CMIP: variants seen among roughly 807,000 people sequenced by gnomAD.
The protein encoded by CMIP is c-Maf inducing protein, also known as C-Maf-inducing protein.
A neutral mutation model predicts 97.3 loss-of-function variants in CMIP; 13 were observed. The observed-to-expected ratio is 0.13, with a 90% CI of 0.09 to 0.21. CMIP has a LOEUF of 0.21. Among genes scored for constraint, CMIP ranks in the 10% least tolerant of loss-of-function variants. CMIP has a pLI of 1.00. For missense variants in CMIP, 847 were observed against 1,024.9 expected (o/e 0.83, Z 2.37); for synonymous variants, 538 against 436.3 (o/e 1.23, Z -2.91).
chr16:81,533,390 A>AAGTACATGGTAGCCACTC (rs1402969822), intron 1 of CMIP, among the ~76,000 whole-genome samples: 12 of 152,236 alleles, frequency 7.9e-5, no homozygotes, highest in Non-Finnish European at 1.6e-4. Context: ...TTTGCCTGTT[A>AAGTACATGGTAGCCACTC]AGTACATGGT....
At chr16:81,535,455 G>A (rs2090324024) in intron 1 of CMIP, among the ~76,000 whole-genome samples, 1 of 144,294 alleles carries the variant, frequency 6.9e-6, no homozygotes, top group Middle Eastern at 3.6e-3. Flanking sequence ...TCATGGTATA[G>A]CACTGGAATG....
Position 81,540,427 on chromosome 16 carries a change from C to T in CMIP, c.301-67140C>T, listed in dbSNP as rs1428873461. On this transcript the variant is annotated intron_variant, in intron 1 of 20. Coordinates refer to ENST00000537098, the MANE Select transcript of CMIP (RefSeq NM_198390.3). ...AAGTGATTCTCCTGCCTCAGCCTCC[C>T]GAGTAGCTGAGACTACAGGCACAAA... 1.1e-4 allele frequency among the ~76,000 whole-genome samples: 16 copies of T among 152,120 alleles called. No homozygotes were observed. In the South Asian group the frequency reaches 1.2e-3, roughly 12 times the overall value.
intron 1 of CMIP, among the ~76,000 whole-genome samples, chr16:81,522,495 T>C (rs1283693242): frequency 6.6e-6 from 1 of 152,246 alleles, no homozygotes; most frequent in Non-Finnish European, 1.5e-5. Context: ...TAGTGAGCAC[T>C]GCATACTGTG....
chr16:81,452,571 A>C (rs898965), intron 1 of CMIP, among the ~76,000 whole-genome samples: 1 of 151,676 alleles, frequency 6.6e-6, no homozygotes, highest in Non-Finnish European at 1.5e-5. Flanking sequence ...TGCTTTGTAC[A>C]TAGTGGTCAG....
intron 1 of CMIP, chr16:81,518,062 G>A (rs994783265): frequency 2.1e-5 from 5 of 237,942 alleles, no homozygotes; most frequent in Admixed American, 6.5e-5. Context: ...GGAGGAGGGC[G>A]GTGGGTGGTG....
intron 3 of CMIP, chr16:81,645,910 A>G (rs981481762): frequency 6.6e-6 from 3 of 454,254 alleles, no homozygotes; most frequent in African/African-American, 5.9e-5. Context: ...AGACAAGGAA[A>G]CTGGTGCAAG....
chr16:81,507,502 C>T (rs559136319), intron 1 of CMIP, among the ~76,000 whole-genome samples: 2 of 152,248 alleles, frequency 1.3e-5, no homozygotes, highest in South Asian at 4.1e-4. Flanking sequence ...TAGAACATGG[C>T]TCATCTTCTT....
At chr16:81,487,950 C>T (rs934078380) in intron 1 of CMIP, among the ~76,000 whole-genome samples, 2 of 152,222 alleles carry the variant, frequency 1.3e-5, no homozygotes, top group Admixed American at 1.3e-4. Flanking sequence ...TGACTGCTCT[C>T]GGCTTCTGCT....
At chr16:81,664,591 G>C (rs923068643) in intron 7 of CMIP, 3 of 583,988 alleles carry the variant, frequency 5.1e-6, no homozygotes, top group Admixed American at 3.0e-5. Context: ...CGCAGCTGGA[G>C]GAGAAGAGGA....
At chr16:81,685,915 G>A (rs1351648913) in intron 10 of CMIP, among the ~76,000 whole-genome samples, 2 of 152,118 alleles carry the variant, frequency 1.3e-5, no homozygotes, top group African/African-American at 2.4e-5. Flanking sequence ...TGTGAGCCGG[G>A]CCACCCTCCT....
intron 1 of CMIP, among the ~76,000 whole-genome samples, chr16:81,549,962 G>C (rs2090621274): frequency 6.6e-6 from 1 of 152,234 alleles, no homozygotes; most frequent in Non-Finnish European, 1.5e-5. Flanking sequence ...ACACAAGCCT[G>C]TGCCGTCCAA....
At chr16:81,500,623 G>C (rs1426250251) in intron 1 of CMIP, among the ~76,000 whole-genome samples, 1 of 151,718 alleles carries the variant, frequency 6.6e-6, no homozygotes, top group Non-Finnish European at 1.5e-5. Flanking sequence ...TGAGTAGCTG[G>C]GACTACAGGC....
chr16:81,549,864 G>A (rs1054279144), intron 1 of CMIP, among the ~76,000 whole-genome samples: 2 of 152,200 alleles, frequency 1.3e-5, no homozygotes, highest in African/African-American at 4.8e-5. Context: ...GCATATGCCA[G>A]TGTGTATGTT....
At position 81,699,768 on chromosome 16, in the gene CMIP, C is replaced by G. The variant is rs777912347; in HGVS notation, c.1722C>G (p.Leu574=). Residue 574 remains leucine (L), a synonymous_variant, in exon 15 of 21, where the codon CTC becomes CTG. Coordinates refer to ENST00000537098, the MANE Select transcript of CMIP (RefSeq NM_198390.3). The part of the protein sequence containing the change: ...LAENKLGPCM[L]LALRGNQTMV... Reference sequence around the variant, plus strand: ...AAAACAAGCTGGGTCCCTGCATGCTCCTGGCACTGAGGGGGAACCAGACCA... The same window carrying G: ...AAAACAAGCTGGGTCCCTGCATGCTGCTGGCACTGAGGGGGAACCAGACCA... 1.3e-5 allele frequency: 21 copies of G among 1,613,428 alleles called. No individual in the cohort carries two copies. The highest frequency in any genetic ancestry group is 1.6e-5 in the Non-Finnish European group (19 of 1,179,698).
chr16:81,501,486 A>G (rs573706141), intron 1 of CMIP, among the ~76,000 whole-genome samples: 2 of 152,232 alleles, frequency 1.3e-5, no homozygotes, highest in South Asian at 4.2e-4. Context: ...CGTCATCTGC[A>G]GAACAGCCCT....
At chr16:81,493,868 T>C (rs1471910736) in intron 1 of CMIP, among the ~76,000 whole-genome samples, 2 of 152,254 alleles carry the variant, frequency 1.3e-5, no homozygotes, top group Non-Finnish European at 2.9e-5. Flanking sequence ...GGCCCAGGCC[T>C]GCCCTGTGAC....
At chr16:81,601,785 A>G (rs1276077233) in intron 1 of CMIP, among the ~76,000 whole-genome samples, 1 of 152,080 alleles carries the variant, frequency 6.6e-6, no homozygotes. Context: ...CGCATCTCCA[A>G]TACCCTCTGG....
intron 3 of CMIP, among the ~76,000 whole-genome samples, chr16:81,625,499 C>T (rs1364794720): frequency 6.6e-6 from 1 of 152,230 alleles, no homozygotes; most frequent in Non-Finnish European, 1.5e-5. Flanking sequence ...GGGCACAGGC[C>T]TGTGTGCACA....
intron 1 of CMIP, among the ~76,000 whole-genome samples, chr16:81,462,569 C>T (rs1236758666): frequency 2.0e-5 from 3 of 152,114 alleles, no homozygotes; most frequent in Non-Finnish European, 4.4e-5. Flanking sequence ...GCTCCTTTGG[C>T]CAGGTAAGTG....
Sources: gnomAD v4.1 joint callset for allele counts (sites outside exome capture counted in the v4.1 genomes callset) on GRCh38, gnomAD v4.1.1 for gene constraint, MANE v1.5 for transcripts, NCBI Gene and HGNC (gene_info 2026-07-23, HGNC 2026-07-21) for gene names.